The following NOTCH3 variants were observed in gnomAD, a reference collection of about 807,000 sequenced individuals.
NOTCH3 encodes the protein notch receptor 3, also known as neurogenic locus notch homolog protein 3.
In NOTCH3, 86 loss-of-function variants were observed where a neutral mutation model predicts 213.3. The ratio of observed to expected loss-of-function variants is 0.40; its 90% CI spans 0.34 to 0.48. NOTCH3 has a LOEUF of 0.48. Among genes scored for constraint, NOTCH3 ranks in the 20% least tolerant of loss-of-function variants. The pLI, the probability that NOTCH3 is intolerant of heterozygous loss-of-function variation, is 0.57. For missense variants in NOTCH3, 2,783 were observed against 3,272.6 expected, an observed-to-expected ratio of 0.85 and a Z score of 3.65; for synonymous variants, 1,354 against 1,355.9, an observed-to-expected ratio of 1.00 and a Z score of 0.03.
intron 10 of NOTCH3, 75 bp from the exon 11 acceptor site, chr19:15,187,413 G>A: frequency 1.5e-6 from 2 of 1,349,174 alleles, no homozygotes; most frequent in Non-Finnish European, 2.1e-6. Flanking sequence ...GACCAATCCT[G>A]GTTCAGCTCT....
At chr19:15,192,642 CAGT>C in intron 2 of NOTCH3, 123 bp from the exon 3 acceptor site, 1 of 1,360,404 alleles carries the variant, frequency 7.4e-7, no homozygotes, top group Middle Eastern at 2.5e-4. Context: ...TTGCTGGGAG[CAGT>C]GGCTCACGCC....
intron 2 of NOTCH3, 58 bp downstream of exon 2, chr19:15,197,442 C>CCCCA (rs2145450836): frequency 8.1e-6 from 5 of 620,832 alleles, no homozygotes; most frequent in East Asian, 3.4e-5. Context: ...AGACAAATCG[C>CCCCA]CCCTCCCCCC....
At chr19:15,178,219 T>G in intron 23 of NOTCH3, 129 bp from the exon 24 acceptor site, 2 of 598,288 alleles carry the variant, frequency 3.3e-6, no homozygotes, top group Non-Finnish European at 5.7e-6. Context: ...AGGTCAAGAC[T>G]AAGGAAGGTT....
rs758466547 is a variant in NOTCH3, at chr19:15,197,591, G to T, written c.119-13C>A. 7 of 1,610,446 alleles carry T rather than the reference G, an allele frequency of 4.3e-6. No individual in the cohort carries two copies. Among genetic ancestry groups the T allele is most frequent in the Non-Finnish European group, 5.9e-6 (7 of 1,179,286 alleles). On this transcript the variant is annotated splice_polypyrimidine_tract_variant and intron_variant, in intron 1 of 32. Coordinates refer to ENST00000263388, the MANE Select transcript of NOTCH3 (RefSeq NM_000435.3). ...AGGCAAGGGGGGGCTGTGTGGGGGT[G>T]AAGGAAGGTGGAGGATCAGCCAGGT...
Position 15,185,547 on chromosome 19 carries a change from G to T in NOTCH3, c.2084C>A (p.Pro695Gln), listed in dbSNP as rs202228716. Residue 695 changes from proline (P) to glutamine (Q), a missense_variant, in exon 13 of 33, where the codon CCG becomes CAG. This residue lies in a region of NOTCH3 where 861 missense variants were observed against 909.1 expected (regional missense o/e 0.95). Transcript: ENST00000263388. The surrounding 1 kb of genome is among the most constrained non-coding windows in gnomAD (Gnocchi z 4.2). ...PGSLPPLCLP[P>Q]SHPCAHEPCS... ...GGGCTCATGGGCACAGGGATGGCTC[G>T]GGGGGAGGCAGAGTGGGGGCAAGGA... is the stretch of plus-strand genomic sequence containing the variant. 1 of 1,613,516 alleles carries T rather than the reference G, an allele frequency of 6.2e-7. No homozygotes were observed.
intron 24 of NOTCH3, among the ~76,000 whole-genome samples, chr19:15,175,123 G>A (rs932760957): frequency 6.6e-6 from 1 of 152,190 alleles, no homozygotes; most frequent in African/African-American, 2.4e-5. Context: ...CAGGCACAAG[G>A]ATAAGGCCCG....
rs1454506249 is a variant in NOTCH3, at chr19:15,185,026, G to C, written c.2297-7C>G. 11 of 1,446,218 alleles carry C rather than the reference G, an allele frequency of 7.6e-6. No homozygotes were observed. Among genetic ancestry groups the C allele is most frequent in the Non-Finnish European group, 1.0e-5 (11 of 1,063,768 alleles). 89.6% of individuals were successfully genotyped at this position (1,446,218 alleles called of 1,614,324 possible). On this transcript the variant is annotated splice_polypyrimidine_tract_variant and splice_region_variant and intron_variant, in intron 14 of 32. Transcript: ENST00000263388. The surrounding 1 kb of genome is among the most constrained non-coding windows in gnomAD (Gnocchi z 4.2). ...AGGAGTTCACACTGACGTCCTGTTG[G>C]GGGTGGAAGAGAGGGAAGCAGAGAT...
intron 2 of NOTCH3, 59 bp downstream of exon 2, chr19:15,197,441 G>GGCCCCCCCCCCCCC: frequency 2.6e-6 from 2 of 768,358 alleles, no homozygotes; most frequent in African/African-American, 1.7e-5. Flanking sequence ...AAGACAAATC[G>GGCCCCCCCCCCCCC]CCCCTCCCCC....
chr19:15,173,441 A>G (rs550900610), intron 25 of NOTCH3, among the ~76,000 whole-genome samples: 182 of 143,560 alleles, frequency 1.3e-3, no homozygotes, highest in African/African-American at 4.2e-3. Context: ...AAAAAAAAAA[A>G]AGAGAGAGAG....
At chr19:15,179,735 A>T (rs1431283423) in intron 20 of NOTCH3, 5 of 592,628 alleles carry the variant, frequency 8.4e-6, no homozygotes, top group Non-Finnish European at 1.5e-5. Context: ...TACAAAAATT[A>T]GCTGGGCGTG....
At chr19:15,183,482 C>T (rs965412159) in intron 16 of NOTCH3, among the ~76,000 whole-genome samples, 16 of 152,112 alleles carry the variant, frequency 1.1e-4, no homozygotes, top group African/African-American at 3.6e-4. Context: ...TCACCGTAAT[C>T]TCCACCTCCA....
At chr19:15,199,425 G>A (rs1193240384) in intron 1 of NOTCH3, among the ~76,000 whole-genome samples, 2 of 152,160 alleles carry the variant, frequency 1.3e-5, no homozygotes, top group African/African-American at 4.8e-5. Flanking sequence ...GTATGGGTTG[G>A]CTGTGTCTGT....
intron 24 of NOTCH3, among the ~76,000 whole-genome samples, chr19:15,175,565 ATATATATATG>A (rs1227527655): frequency 1.6e-5 from 1 of 60,662 alleles, no homozygotes; most frequent in Non-Finnish European, 3.4e-5. Context: ...ACATATATAT[ATATATATATG>A]TATATATATG....
At chr19:15,173,950 C>T (rs2046764589) in intron 25 of NOTCH3, 118 bp downstream of exon 25, 2 of 850,636 alleles carry the variant, frequency 2.4e-6, no homozygotes, top group East Asian at 2.7e-5. Flanking sequence ...AGCCAGGAGG[C>T]GGTGCTCCTG....
intron 2 of NOTCH3, 22 bp downstream of exon 2, chr19:15,197,478 T>C: frequency 1.1e-6 from 1 of 895,676 alleles, no homozygotes; most frequent in Non-Finnish European, 1.6e-6. Flanking sequence ...GGCCCACTGG[T>C]GGCTCTGAGC....
chr19:15,173,965 C>G (rs982966010), intron 25 of NOTCH3, 103 bp downstream of exon 25: 2 of 1,014,204 alleles, frequency 2.0e-6, no homozygotes, highest in African/African-American at 3.3e-5. Context: ...CTCCTGACAT[C>G]TGGTGGGTAA....
Position 15,161,191 on chromosome 19 carries a change from G to T in NOTCH3, c.6437C>A (p.Ala2146Glu), listed in dbSNP as rs770739669. The change falls in exon 33 of 33, where the codon GCG becomes GAG. Residue 2146 changes from alanine to glutamate, a missense_variant. This residue lies in a region of NOTCH3 where 441 missense variants were observed against 432.1 expected (regional missense o/e 1.02). Transcript: ENST00000263388. ...SLAQLGGPGR[A>E]GLGRQPPGGC... is the part of the protein sequence containing the mutation. ...TCCAGGGGGCTGGCGCCCTAGACCC[G>T]CCCGGCCTGGGCCACCAAGCTGTGC... 6.5e-7 allele frequency: 1 copy of T among 1,540,108 alleles called. No homozygotes were observed. The highest frequency in any genetic ancestry group is 8.7e-7 in the Non-Finnish European group (1 of 1,148,898).
intron 2 of NOTCH3, 88 bp from the exon 3 acceptor site, chr19:15,192,607 G>C: frequency 1.3e-6 from 2 of 1,504,088 alleles, no homozygotes; most frequent in Non-Finnish European, 1.8e-6. Flanking sequence ...GAAACACGCA[G>C]GGAAACAGAG....
Position 15,159,614 on chromosome 19 carries a change from A to C in NOTCH3, c.*1048T>G, listed in dbSNP as rs1192666275. ...ACTGCCACCACTCCCCACCTTACCT[A>C]GACACAGACCAACAACACTGAGTGT... On this transcript the variant is annotated 3_prime_UTR_variant, in exon 33 of 33. Coordinates refer to ENST00000263388, the MANE Select transcript of NOTCH3 (RefSeq NM_000435.3). 1 of 228,600 alleles carries C rather than the reference A, an allele frequency of 4.4e-6. No individual in the cohort carries two copies. Among genetic ancestry groups the C allele is most frequent in the Non-Finnish European group, 8.7e-6 (1 of 115,178 alleles). 14.2% of individuals were successfully genotyped at this position (228,600 alleles called of 1,614,324 possible).
Sources: gnomAD v4.1 joint callset for allele counts (sites outside exome capture counted in the v4.1 genomes callset) on GRCh38, gnomAD v4.1.1 for gene constraint, gnomAD v4.1.1 regional missense constraint, Gnocchi (gnomAD v3.1) non-coding constraint, MANE v1.5 for transcripts, NCBI Gene and HGNC (gene_info 2026-07-23, HGNC 2026-07-21) for gene names.